The following SNRPN variants were observed in gnomAD, a reference collection of about 807,000 sequenced individuals.
SNRPN encodes the protein small nuclear ribonucleoprotein polypeptide N.
SNRPN carries 7 observed loss-of-function variants against 25.2 expected under a neutral mutation model. The observed-to-expected ratio is 0.28, with a 90% CI of 0.16 to 0.52. SNRPN has a LOEUF of 0.52. Ranked by LOEUF, SNRPN falls within the 20% of genes least tolerant of loss-of-function variation. The pLI is 0.96. For synonymous variants in SNRPN, 124 were observed against 110.6 expected (o/e 1.12, Z -0.76); for missense variants, 196 against 322.5 (o/e 0.61, Z 3.00).
rs1172109294 is a variant in SNRPN, at chr15:24,955,056, G to T, written c.-397G>T. 2.5e-6 allele frequency: 4 copies of T among 1,613,322 alleles called. No homozygotes were observed. The highest frequency in any genetic ancestry group is 3.4e-6 in the Non-Finnish European group (4 of 1,180,036). Reference sequence around the variant, plus strand: ...GGAGCGGTCAGTGACGCGATGGAGCGGGCAAGGTCAGCTGTGCCGGTGGCT... The same window carrying T: ...GGAGCGGTCAGTGACGCGATGGAGCTGGCAAGGTCAGCTGTGCCGGTGGCT... On this transcript the variant is annotated 5_prime_UTR_variant, in exon 1 of 10. Transcript: ENST00000390687.
chr15:24,978,388 G>A lies in SNRPN; in HGVS notation c.686-19G>A. 1 of 1,613,968 alleles carries A rather than the reference G, an allele frequency of 6.2e-7. No homozygotes were observed. Among genetic ancestry groups the A allele is most frequent in the Non-Finnish European group, 8.5e-7 (1 of 1,179,958 alleles). On this transcript the variant is annotated intron_variant, in intron 9 of 9. Coordinates refer to ENST00000390687, the MANE Select transcript of SNRPN (RefSeq NM_003097.6). ...ATATGTGTATCCTCTTTTTCTCAAT[G>A]TTTCTATTTCCTTTCCAGGTCCACC... is the stretch of plus-strand genomic sequence containing the variant.
intron 1 of SNRPN, among the ~76,000 whole-genome samples, chr15:24,959,845 C>T (rs1299924467): frequency 2.0e-5 from 3 of 152,148 alleles, no homozygotes; most frequent in East Asian, 1.9e-4. Flanking sequence ...ACGTATAATA[C>T]GTTTAATACA....
chr15:24,935,423 G>A (rs2061162901), intron 3 of SNRPN, among the ~76,000 whole-genome samples: 2 of 152,214 alleles, frequency 1.3e-5, no homozygotes, highest in South Asian at 4.1e-4. Context: ...GAGAACAGAA[G>A]GATGGAGAAA....
chr15:24,857,607 A>G (rs1327987218), intron 1 of SNRPN, among the ~76,000 whole-genome samples: 1 of 151,932 alleles, frequency 6.6e-6, no homozygotes, highest in East Asian at 1.9e-4. Flanking sequence ...TACTCTGTCA[A>G]TAATTTAACA....
intron 4 of SNRPN, chr15:24,974,773 G>A: frequency 1.6e-6 from 1 of 617,886 alleles, no homozygotes; most frequent in Non-Finnish European, 2.9e-6. Context: ...TGGCCAGGCT[G>A]GTCTCAGGCT....
chr15:24,848,237 C>T (rs1241537284), intron 2 of SNRPN: 1 of 20,270 alleles, frequency 4.9e-5, no homozygotes, highest in Admixed American at 7.2e-4. Context: ...GCGGTGGGGG[C>T]GGGGGCGGCG....
chr15:24,967,191 G>A (rs1049807752), intron 2 of SNRPN: 5 of 152,364 alleles, frequency 3.3e-5, no homozygotes, highest in Middle Eastern at 3.2e-3. Context: ...GTTTCTTCAA[G>A]GCTGCCAGCT....
At chr15:24,905,359 A>C (rs934126605) in intron 2 of SNRPN, among the ~76,000 whole-genome samples, 8 of 151,426 alleles carry the variant, frequency 5.3e-5, no homozygotes, top group Non-Finnish European at 7.4e-5. Flanking sequence ...ATATACAAAA[A>C]TTAACTGGGC....
At chr15:24,893,648 T>G (rs1157005305) in intron 2 of SNRPN, among the ~76,000 whole-genome samples, 1 of 151,928 alleles carries the variant, frequency 6.6e-6, no homozygotes, top group Non-Finnish European at 1.5e-5. Flanking sequence ...AAATATCTTA[T>G]CAGGTTTTGG....
intron 1 of SNRPN, 68 bp downstream of exon 1, chr15:24,955,130 TC>T: frequency 6.2e-7 from 1 of 1,606,278 alleles, no homozygotes; most frequent in Non-Finnish European, 8.5e-7. Context: ...CATCAGATAT[TC>T]CAAGTTTTTA....
chr15:24,859,622 A>G (rs1276228764), intron 1 of SNRPN, among the ~76,000 whole-genome samples: 1 of 152,154 alleles, frequency 6.6e-6, no homozygotes, highest in African/African-American at 2.4e-5. Context: ...CCTGATCCAG[A>G]CCCCAAGAGA....
intron 2 of SNRPN, among the ~76,000 whole-genome samples, chr15:24,891,921 G>A (rs2133127): frequency 0.4 from 61,523 of 151,974 alleles, 13,528 homozygotes; most frequent in East Asian, 0.69. Flanking sequence ...TGTTTTATAT[G>A]TAACAGTTAT....
intron 3 of SNRPN, chr15:24,968,883 A>T (rs2153594974): frequency 6.6e-6 from 1 of 152,214 alleles, no homozygotes; most frequent in African/African-American, 2.4e-5. Context: ...TTTAGGAAAA[A>T]GTTATTACAA....
intron 2 of SNRPN, among the ~76,000 whole-genome samples, chr15:24,918,338 G>GTGTATATATATAACATAATATATA (rs1486371092): frequency 0.012 from 735 of 61,674 alleles, 19 homozygotes; most frequent in South Asian, 0.034. Context: ...TAATATATAT[G>GTGTATATATATAACATAATATATA]TGTATATATA....
intron 3 of SNRPN, among the ~76,000 whole-genome samples, chr15:24,934,373 C>T (rs547954981): frequency 7.0e-6 from 1 of 143,658 alleles, no homozygotes; most frequent in Admixed American, 7.2e-5. Flanking sequence ...ATTCAAATTT[C>T]ACGGTCCATA....
At chr15:24,835,000 G>C (rs12593572) in intron 2 of SNRPN, among the ~76,000 whole-genome samples, 13,200 of 38,888 alleles carry the variant, frequency 0.34, 5,066 homozygotes, top group East Asian at 0.7. Flanking sequence ...GATATATATA[G>C]TATATATATC....
intron 1 of SNRPN, among the ~76,000 whole-genome samples, chr15:24,828,440 A>T (rs754239152): frequency 1.2e-4 from 18 of 152,098 alleles, no homozygotes; most frequent in Non-Finnish European, 2.6e-4. Flanking sequence ...TTGTGATAAA[A>T]TTTGAAAAAT....
rs2077063866 is a variant in SNRPN at position 24,976,435 on chromosome 15, A to G, written c.267+19A>G. 1 of 1,504,586 alleles carries G rather than the reference A, an allele frequency of 6.6e-7. No individual in the cohort carries two copies. The highest frequency in any genetic ancestry group is 1.8e-5 in the Admixed American group (1 of 55,988). The allele number at this position is 1,504,586 out of a possible 1,614,324, so 93.2% of individuals were successfully genotyped here. ...CAAAGATGTAAGGAAGATGTAGGGC[A>G]GGACAGAACTTTAATTTGCAGGGAC... On this transcript the variant is annotated intron_variant, in intron 6 of 9. Transcript: ENST00000390687.
At chr15:24,853,002 G>C (rs1242435992), upstream of SNRPN, among the ~76,000 whole-genome samples, 1 of 152,096 alleles carries the variant, frequency 6.6e-6, no homozygotes, top group African/African-American at 2.4e-5. Context: ...ATGACAAATA[G>C]GGAATTCCAA....
Sources: gnomAD v4.1 joint callset for allele counts (sites outside exome capture counted in the v4.1 genomes callset) on GRCh38, gnomAD v4.1.1 for gene constraint, MANE v1.5 for transcripts, NCBI Gene and HGNC (gene_info 2026-07-23, HGNC 2026-07-21) for gene names.